Variants in CFAP70 observed in about 807,000 individuals in gnomAD.
CFAP70 encodes cilia- and flagella-associated protein 70.
In CFAP70, 81 loss-of-function variants were observed where a neutral mutation model predicts 137.6. The ratio of observed to expected loss-of-function variants is 0.59; its 90% CI spans 0.49 to 0.71. The LOEUF (loss-of-function observed/expected upper bound fraction) is 0.71. CFAP70 is among the 30% of genes least tolerant of loss of function. CFAP70 has a pLI of 0.00. For synonymous variants in CFAP70, 382 were observed against 423.6 expected (o/e 0.90, Z 1.20); for missense variants, 976 against 1,226.7 (o/e 0.80, Z 3.05).
In CFAP70 at chr10:73,348,420, G is replaced by A; in HGVS notation, c.349+3C>T. 3 of 1,603,950 alleles carry A rather than the reference G, an allele frequency of 1.9e-6. No homozygotes were observed. The highest frequency in any genetic ancestry group is 2.6e-6 in the Non-Finnish European group (3 of 1,172,812). ...CTGCTTTTGGGCAAAGCACACATCT[G>A]ACCTTCCAGTAAGGGAAGAAGGTCC... On this transcript the variant is annotated splice_donor_region_variant and intron_variant, in intron 4 of 26. Coordinates refer to ENST00000310715, the Ensembl canonical transcript of CFAP70.
intron 25 of CFAP70, among the ~76,000 whole-genome samples, chr10:73,261,744 C>G (rs1403964992): frequency 6.6e-6 from 1 of 151,886 alleles, no homozygotes; most frequent in African/African-American, 2.4e-5. Context: ...CAGGCTCAAG[C>G]GATTTGCCTG....
chr10:73,331,689 A>T (rs75027475), intron 7 of CFAP70, among the ~76,000 whole-genome samples: 7,045 of 151,914 alleles, frequency 0.046, 466 homozygotes, highest in African/African-American at 0.15. Flanking sequence ...CAAAAAAAAA[A>T]TTTTTTTTCT....
chr10:73,310,275 T>A (rs747614909), intron 11 of CFAP70, 26 bp from the exon 13 acceptor site: 32 of 1,522,962 alleles, frequency 2.1e-5, no homozygotes, highest in Non-Finnish European at 2.9e-5. Flanking sequence ...TTTCTTATTA[T>A]TTCCAGAAAA....
At chr10:73,274,508 A>G (rs769439683) in exon 23 of CFAP70, 18 of 1,614,160 alleles carry the variant, frequency 1.1e-5, no homozygotes, top group African/African-American at 1.3e-5. Context: ...CTACAAAGCT[A>G]ATGGTTCGTT....
chr10:73,346,851 C>T (rs888808353), intron 4 of CFAP70: 11 of 152,052 alleles, frequency 7.2e-5, no homozygotes, highest in African/African-American at 2.2e-4. Context: ...TGGGGGTTGA[C>T]ATTTATAGGA....
intron 25 of CFAP70, among the ~76,000 whole-genome samples, chr10:73,258,822 C>A (rs1201713386): frequency 6.6e-6 from 1 of 152,132 alleles, no homozygotes; most frequent in East Asian, 1.9e-4. Flanking sequence ...CCTGTAGCGC[C>A]CCCAGGCTTA....
intron 11 of CFAP70, among the ~76,000 whole-genome samples, chr10:73,310,854 T>A (rs1275614684): frequency 6.6e-6 from 1 of 152,182 alleles, no homozygotes; most frequent in East Asian, 1.9e-4. Flanking sequence ...AGCTTCCCAA[T>A]TGCAAACTCC....
chr10:73,361,417 C>CGTGT (rs543704002), upstream of CFAP70, among the ~76,000 whole-genome samples: 1 of 150,904 alleles, frequency 6.6e-6, no homozygotes, highest in Non-Finnish European at 1.5e-5. Context: ...CTCAGCCTCC[C>CGTGT]GTGTGTGTGT....
At chr10:73,282,123 C>T (rs2131821748) in intron 19 of CFAP70, among the ~76,000 whole-genome samples, 1 of 152,132 alleles carries the variant, frequency 6.6e-6, no homozygotes, top group Non-Finnish European at 1.5e-5. Flanking sequence ...CTGGGGAAGG[C>T]TGGGGAAGGC....
intron 9 of CFAP70, among the ~76,000 whole-genome samples, chr10:73,319,466 C>G (rs79231063): frequency 1.3e-5 from 2 of 152,122 alleles, no homozygotes; most frequent in Admixed American, 6.5e-5. Context: ...TGCAAGCCCC[C>G]CTACCCCCAC....
chr10:73,318,897 C>T (rs963036), intron 9 of CFAP70, among the ~76,000 whole-genome samples: 15,693 of 152,194 alleles, frequency 0.1, 1,166 homozygotes, highest in East Asian at 0.3. Context: ...ATGGACAATA[C>T]ATTTTTTGCA....
At chr10:73,284,185 C>CTATATACCT (rs2047467864) in intron 19 of CFAP70, among the ~76,000 whole-genome samples, 1 of 152,184 alleles carries the variant, frequency 6.6e-6, no homozygotes, top group East Asian at 1.9e-4. Context: ...TGGAGGCTAC[C>CTATATACCT]TATATACCTT....
At chr10:73,272,463 A>G (rs1018795689) in intron 24 of CFAP70, among the ~76,000 whole-genome samples, 2 of 152,230 alleles carry the variant, frequency 1.3e-5, no homozygotes, top group African/African-American at 2.4e-5. Context: ...CTCTTTGAAG[A>G]CTGGAGGAAA....
chr10:73,322,889 T>G, intron 9 of CFAP70, 74 bp downstream of exon 10: 8 of 1,327,388 alleles, frequency 6.0e-6, no homozygotes, highest in Non-Finnish European at 7.1e-6. Flanking sequence ...CAAAGATGTA[T>G]ATGCTAAAGA....
rs760511791 is a variant in CFAP70 at position 73,341,393 on chromosome 10, T to A, written c.582+6A>T. The A allele has an allele frequency of 3.1e-6, 5 of 1,599,394 alleles. No homozygotes were observed. The East Asian group carries it at 1.1e-4, about 36-fold the overall frequency. Reference sequence around the variant, plus strand: ...TATCACAAAAACCTGTATATCAGGCTCTCACCTCAGGATGGTTGAGTTCTC... The same window carrying A: ...TATCACAAAAACCTGTATATCAGGCACTCACCTCAGGATGGTTGAGTTCTC... On this transcript the variant is annotated splice_donor_region_variant and intron_variant, in intron 6 of 26. Transcript: ENST00000310715.
chr10:73,291,716 G>C, exon 18 of CFAP70: 1 of 1,614,138 alleles, frequency 6.2e-7, no homozygotes, highest in Non-Finnish European at 8.5e-7. Flanking sequence ...CTTGCTCATA[G>C]TTCTCCAACA....
intron 19 of CFAP70, among the ~76,000 whole-genome samples, chr10:73,286,991 G>A (rs2047769238): frequency 6.6e-6 from 1 of 152,202 alleles, no homozygotes; most frequent in Admixed American, 6.5e-5. Context: ...CCCCTTGGGT[G>A]GGCCAGGTGT....
intron 19 of CFAP70, 41 bp from the exon 21 acceptor site, chr10:73,278,378 AT>A: frequency 6.5e-7 from 1 of 1,548,506 alleles, no homozygotes; most frequent in East Asian, 2.3e-5. Flanking sequence ...AACTTCTTAC[AT>A]TGGGTGTTTA....
At chr10:73,268,084 A>G (rs575122720) in intron 25 of CFAP70, among the ~76,000 whole-genome samples, 2 of 152,316 alleles carry the variant, frequency 1.3e-5, no homozygotes, top group Admixed American at 1.3e-4. Context: ...CTGTATTTTA[A>G]TGTCAACTGA....
Sources: allele counts gnomAD v4.1 joint callset (sites outside exome capture counted in the v4.1 genomes callset), GRCh38; gene constraint gnomAD v4.1.1; transcripts MANE v1.5; gene names NCBI Gene and HGNC (gene_info 2026-07-23, HGNC 2026-07-21).